ZNF425: variants seen among roughly 807,000 people sequenced by gnomAD.
ZNF425 encodes the protein zinc finger protein 425.
In ZNF425, 21 loss-of-function variants were observed where a neutral mutation model predicts 17.0. The observed-to-expected ratio is 1.23, with a 90% CI of 0.88 to 1.78. ZNF425 has a LOEUF of 1.78. Among genes scored for constraint, ZNF425 ranks in the 40% most tolerant of loss-of-function variants. The pLI, the probability that ZNF425 is intolerant of heterozygous loss-of-function variation, is 0.00. For missense variants in ZNF425, 868 were observed against 967.3 expected, an observed-to-expected ratio of 0.90 and a Z score of 1.36; for synonymous variants, 433 against 384.1, an observed-to-expected ratio of 1.13 and a Z score of -1.49.
chr7:149,114,539 A>T (rs1366638273), intron 2 of ZNF425, among the ~76,000 whole-genome samples: 2 of 151,878 alleles, frequency 1.3e-5, no homozygotes, highest in Non-Finnish European at 2.9e-5. Flanking sequence ...CTGGGATTGC[A>T]GGTGTGCGCC....
intron 1 of ZNF425, chr7:149,125,603 G>GT (rs1826451558): frequency 6.4e-6 from 1 of 156,080 alleles, no homozygotes; most frequent in South Asian, 1.7e-4. Flanking sequence ...CAGGGACAGC[G>GT]TTGTTGATCT....
intron 1 of ZNF425, among the ~76,000 whole-genome samples, chr7:149,119,111 A>ATTT (rs35943015): frequency 7.7e-6 from 1 of 130,140 alleles, no homozygotes. Flanking sequence ...ACCAGCCTAG[A>ATTT]TTTTTTTTTT....
intron 3 of ZNF425, among the ~76,000 whole-genome samples, chr7:149,111,824 T>G (rs1826182062): frequency 6.6e-6 from 1 of 151,014 alleles, no homozygotes; most frequent in African/African-American, 2.4e-5. Flanking sequence ...GGATTGTGGG[T>G]GCCTGCCACC....
chr7:149,106,851 G>A (rs1050856810), intron 3 of ZNF425, among the ~76,000 whole-genome samples: 2 of 152,046 alleles, frequency 1.3e-5, no homozygotes, highest in Non-Finnish European at 2.9e-5. Context: ...GCTCACACCT[G>A]TAATCCCAGC....
rs1357015530 is a variant in ZNF425 at position 149,104,095 on chromosome 7, C to T, written c.1776G>A (p.Thr592=). Residue 592 remains threonine, a synonymous_variant, in exon 4 of 4, where the codon ACG becomes ACA. Transcript: ENST00000378061. This position sits in a 1 kb window ranked among gnomAD's most constrained non-coding sequence, Gnocchi z 4.3. Reference sequence around the variant, plus strand: ...GGTGCTCGGTGAGCTGAGACTGATGCGTGTAGGTCTTGTCACACTCACCGC... The same window carrying T: ...GGTGCTCGGTGAGCTGAGACTGATGTGTGTAGGTCTTGTCACACTCACCGC... The part of the protein sequence containing the change: ...FACGECDKTY[T]HQSQLTEHLR... 1.9e-6 allele frequency: 3 copies of T among 1,612,612 alleles called. No homozygotes were observed. The highest frequency in any genetic ancestry group is 2.2e-5 in the South Asian group (2 of 91,084).
intron 1 of ZNF425, 65 bp downstream of exon 1, chr7:149,126,131 C>T (rs1425459834): frequency 6.2e-6 from 10 of 1,610,374 alleles, no homozygotes; most frequent in Non-Finnish European, 8.5e-6. Context: ...GACGCGGACC[C>T]CAATCCAGCT....
At chr7:149,121,974 G>C (rs1826363366) in intron 1 of ZNF425, among the ~76,000 whole-genome samples, 1 of 151,994 alleles carries the variant, frequency 6.6e-6, no homozygotes, top group Non-Finnish European at 1.5e-5. Flanking sequence ...GGAGTGCAGT[G>C]GTGCAATCGC....
intron 3 of ZNF425, among the ~76,000 whole-genome samples, chr7:149,109,163 C>T (rs1447222984): frequency 1.3e-5 from 2 of 151,648 alleles, no homozygotes; most frequent in Non-Finnish European, 2.9e-5. Context: ...CTGCAACCTC[C>T]GCCTCCCGGG....
chr7:149,109,194 C>T (rs1458650435), intron 3 of ZNF425, among the ~76,000 whole-genome samples: 1 of 151,748 alleles, frequency 6.6e-6, no homozygotes, highest in African/African-American at 2.4e-5. Context: ...TCTCCTGTCT[C>T]ACCCTCCTCA....
In ZNF425 at chr7:149,104,656, G is replaced by A; in HGVS notation, c.1215C>T (p.Ile405=). Residue 405 remains isoleucine, a synonymous_variant, in exon 4 of 4, where the codon ATC becomes ATT. Coordinates refer to ENST00000378061, the MANE Select transcript of ZNF425 (RefSeq NM_001001661.3). The surrounding 1 kb of genome is among the most constrained non-coding windows in gnomAD (Gnocchi z 4.3). ...AGGGCTTCTCTCCCGTGTGAACTCT[G>A]ATGTGCTCGTCCAGCTTAATCTTGT... The part of the protein sequence containing the change: ...FIYKIKLDEH[I]RVHTGEKPFS... The A allele has an allele frequency of 1.9e-6, 3 of 1,614,106 alleles. No individual in the cohort carries two copies. Among genetic ancestry groups the A allele is most frequent in the Non-Finnish European group, 2.5e-6 (3 of 1,180,038 alleles).
At position 149,103,498 on chromosome 7, in the gene ZNF425, G is replaced by C. The variant is rs574530474; in HGVS notation, c.*114C>G. The C allele has an allele frequency of 7.5e-7, 1 of 1,338,468 alleles. No homozygotes were observed. Among genetic ancestry groups the C allele is most frequent in the African/African-American group, 1.5e-5 (1 of 67,902 alleles). The allele number at this position is 1,338,468 out of a possible 1,614,324, so 82.9% of individuals were successfully genotyped here. On this transcript the variant is annotated 3_prime_UTR_variant, in exon 4 of 4. Transcript: ENST00000378061. The stretch of plus-strand genomic sequence containing the variant: ...CTCCCAAAGTAATGGGATTACAGGC[G>C]GGAGCCACTGTGCCCGATCTTACCC...
At chr7:149,113,300 C>T (rs978497816) in intron 2 of ZNF425, 1 of 151,706 alleles carries the variant, frequency 6.6e-6, no homozygotes, top group Non-Finnish European at 1.5e-5. Flanking sequence ...CCATTACCCA[C>T]AATAAAAATC....
Position 149,104,234 on chromosome 7 carries a change from C to G in ZNF425, c.1637G>C (p.Arg546Thr). The change falls in exon 4 of 4, where the codon AGG (arginine) becomes ACG (threonine). Residue 546 changes from arginine to threonine, a missense_variant. Transcript: ENST00000378061. This position sits in a 1 kb window ranked among gnomAD's most constrained non-coding sequence, Gnocchi z 4.3. ...RRRAHLTEHT[R>T]LHSGEEPFQC... is the part of the protein sequence containing the mutation. The stretch of plus-strand genomic sequence containing the variant: ...GAAGGGCTCCTCGCCACTGTGAAGC[C>G]TCGTGTGCTCTGTGAGATGCGCGCG... 2 of 1,613,588 alleles carry G rather than the reference C, an allele frequency of 1.2e-6. No homozygotes were observed. The highest frequency in any genetic ancestry group is 1.7e-6 in the Non-Finnish European group (2 of 1,179,786).
At chr7:149,120,609 ATACT>A (rs1184712757) in intron 1 of ZNF425, among the ~76,000 whole-genome samples, 3 of 152,216 alleles carry the variant, frequency 2.0e-5, no homozygotes, top group South Asian at 2.1e-4. Flanking sequence ...AGATACACAA[ATACT>A]TACTATTGTG....
intron 3 of ZNF425, among the ~76,000 whole-genome samples, chr7:149,105,957 C>CT (rs35777509): frequency 0.26 from 30,859 of 119,194 alleles, 4,936 homozygotes; most frequent in African/African-American, 0.46. Flanking sequence ...AATTTTTTTC[C>CT]TTTTTTTTTT....
At chr7:149,118,535 G>A (rs755596521) in intron 1 of ZNF425, 187 bp from the exon 2 acceptor site, 46 of 680,954 alleles carry the variant, frequency 6.8e-5, no homozygotes, top group Middle Eastern at 4.4e-4. Flanking sequence ...TGAATGGGCC[G>A]GGCCCAGTCG....
rs1826038488 is a variant in ZNF425 at position 149,104,456 on chromosome 7, C to G, written c.1415G>C (p.Cys472Ser). The G allele has an allele frequency of 6.2e-7, 1 of 1,600,774 alleles. No homozygotes were observed. The highest frequency in any genetic ancestry group is 8.5e-7 in the Non-Finnish European group (1 of 1,174,408). Residue 472 changes from cysteine (C) to serine (S), a missense_variant, in exon 4 of 4, where the codon TGC becomes TCC. Around this residue, in one of 5 missense-constraint regions of ZNF425, gnomAD observed 437 missense variants for 444.2 expected, o/e 0.98. Transcript: ENST00000378061. The surrounding 1 kb of genome is among the most constrained non-coding windows in gnomAD (Gnocchi z 4.3). The stretch of plus-strand genomic sequence containing the variant: ...CGTGAAGCGCTTGCCGCACTCGGCG[C>G]AGGGGAAGGGCTTTTGCTCGCTGTG... ...RLHSEQKPFP[C>S]AECGKRFTRP...
chr7:149,112,064 T>C (rs917096333), intron 3 of ZNF425, 73 bp downstream of exon 3: 1 of 1,477,842 alleles, frequency 6.8e-7, no homozygotes. Context: ...TAGTCAGATA[T>C]CCAAAAAGAA....
At chr7:149,112,628 G>A (rs1034875753) in intron 2 of ZNF425, among the ~76,000 whole-genome samples, 7 of 151,886 alleles carry the variant, frequency 4.6e-5, no homozygotes, top group Admixed American at 6.6e-5. Flanking sequence ...CCGAGACTCC[G>A]TTTCAAAAAA....
Sources: gnomAD v4.1 joint callset for allele counts (sites outside exome capture counted in the v4.1 genomes callset) on GRCh38, gnomAD v4.1.1 for gene constraint, gnomAD v4.1.1 regional missense constraint, Gnocchi (gnomAD v3.1) non-coding constraint, MANE v1.5 for transcripts, NCBI Gene and HGNC (gene_info 2026-07-23, HGNC 2026-07-21) for gene names.